The following CASZ1 variants were observed in gnomAD, a reference collection of about 807,000 sequenced individuals.
The protein encoded by CASZ1 is castor zinc finger 1.
A neutral mutation model predicts 135.2 loss-of-function variants in CASZ1; 28 were observed. That is an observed-to-expected ratio of 0.21 (90% CI 0.15 to 0.28). The LOEUF (loss-of-function observed/expected upper bound fraction) is 0.28, where lower values mean the gene tolerates loss of function less well. Among genes scored for constraint, CASZ1 ranks in the 10% least tolerant of loss-of-function variants. The pLI is 1.00. For synonymous variants in CASZ1, 1,068 were observed against 1,073.4 expected, an observed-to-expected ratio of 0.99 and a Z score of 0.10; for missense variants, 2,161 against 2,453.3, an observed-to-expected ratio of 0.88 and a Z score of 2.52.
intron 1 of CASZ1, among the ~76,000 whole-genome samples, chr1:10,775,007 C>T (rs1260806826): frequency 2.0e-5 from 3 of 152,098 alleles, no homozygotes; most frequent in Non-Finnish European, 4.4e-5. Flanking sequence ...CAGAATACAC[C>T]GAGAAAACCT....
In CASZ1 at chr1:10,777,725, C is replaced by G. The variant is rs1006700774; in HGVS notation, c.-233-16868G>C. Among the ~76,000 whole-genome samples the G allele has an allele frequency of 4.0e-5, 6 of 151,364 alleles. No individual in the cohort carries two copies. The highest frequency in any genetic ancestry group is 7.4e-5 in the Non-Finnish European group (5 of 67,792). Reference sequence around the variant, plus strand: ...TCTCATACAAAATCACACACAAAACCACATACCACGTTACAATCACACACA... The same window carrying G: ...TCTCATACAAAATCACACACAAAACGACATACCACGTTACAATCACACACA... On this transcript the variant is annotated intron_variant, in intron 1 of 20. Coordinates refer to ENST00000377022, the MANE Select transcript of CASZ1 (RefSeq NM_001079843.3). The surrounding 1 kb of genome is among the most constrained non-coding windows in gnomAD (Gnocchi z 4.4).
At chr1:10,641,219 G>A (rs571340716) in intron 20 of CASZ1, among the ~76,000 whole-genome samples, 1 of 152,386 alleles carries the variant, frequency 6.6e-6, no homozygotes, top group Non-Finnish European at 1.5e-5. Flanking sequence ...GGGGGCAAGG[G>A]ATGGCCTCAG....
chr1:10,641,222 G>A (rs185144229), intron 20 of CASZ1, among the ~76,000 whole-genome samples: 9 of 152,378 alleles, frequency 5.9e-5, no homozygotes, highest in Admixed American at 3.3e-4. Flanking sequence ...GGCAAGGGAT[G>A]GCCTCAGGCC....
chr1:10,691,926 C>A (rs1196887867), intron 4 of CASZ1, among the ~76,000 whole-genome samples: 1 of 152,196 alleles, frequency 6.6e-6, no homozygotes, highest in African/African-American at 2.4e-5. Context: ...CTCTGAGTGG[C>A]CAGAGTCCAG....
intron 6 of CASZ1, 76 bp from the exon 7 acceptor site, chr1:10,658,652 C>G: frequency 2.2e-6 from 3 of 1,339,314 alleles, no homozygotes; most frequent in Non-Finnish European, 3.2e-6. Flanking sequence ...TGGTGGGCAG[C>G]CCCTGCCCTG....
intron 2 of CASZ1, among the ~76,000 whole-genome samples, chr1:10,744,895 C>T (rs1458283413): frequency 2.6e-5 from 4 of 152,320 alleles, no homozygotes; most frequent in Non-Finnish European, 2.9e-5. Context: ...TACACGCAGA[C>T]GCATGTCTGC....
chr1:10,764,964 C>T (rs1640446819), intron 1 of CASZ1, among the ~76,000 whole-genome samples: 1 of 152,204 alleles, frequency 6.6e-6, no homozygotes, highest in South Asian at 2.1e-4. Flanking sequence ...AAGCCACCTC[C>T]ATGCTAAGTC....
chr1:10,652,487 G>A (rs999876835), intron 11 of CASZ1: 29 of 152,288 alleles, frequency 1.9e-4, no homozygotes, highest in Non-Finnish European at 5.9e-5. Context: ...AGATGTGAAC[G>A]GAACTCTCCT....
At chr1:10,695,105 G>A (rs1288528993) in intron 3 of CASZ1, among the ~76,000 whole-genome samples, 2 of 151,266 alleles carry the variant, frequency 1.3e-5, no homozygotes, top group East Asian at 2.0e-4. Flanking sequence ...GGGCTCCTGG[G>A]GTAGCACAGG....
intron 1 of CASZ1, among the ~76,000 whole-genome samples, chr1:10,792,064 G>A (rs1640965027): frequency 6.6e-6 from 1 of 150,890 alleles, no homozygotes; most frequent in Non-Finnish European, 1.5e-5. Context: ...TAATAGGAAT[G>A]GTTCCTCTCG....
At chr1:10,677,082 C>A (rs1028702127) in intron 4 of CASZ1, among the ~76,000 whole-genome samples, 7 of 152,202 alleles carry the variant, frequency 4.6e-5, no homozygotes, top group Admixed American at 4.6e-4. Flanking sequence ...GGGGCTCCAT[C>A]GCCCCCCGCC....
Position 10,727,738 on chromosome 1 carries a change from C to T in CASZ1, c.-76-22194G>A, listed in dbSNP as rs527910811. 8.5e-5 allele frequency among the ~76,000 whole-genome samples: 13 copies of T among 152,320 alleles called. No individual in the cohort carries two copies. Among genetic ancestry groups the T allele is most frequent in the African/African-American group, 2.4e-4 (10 of 41,580 alleles). On this transcript the variant is annotated intron_variant, in intron 2 of 20. Coordinates refer to ENST00000377022, the MANE Select transcript of CASZ1 (RefSeq NM_001079843.3). This position sits in a 1 kb window ranked among gnomAD's most constrained non-coding sequence, Gnocchi z 5.3. The stretch of plus-strand genomic sequence containing the variant: ...GGAGCTGAGAAGCTGGCCTTCACCT[C>T]GTTCCTGATCAGAGGCTGAGGAAGG...
At chr1:10,768,054 C>T (rs944981768) in intron 1 of CASZ1, among the ~76,000 whole-genome samples, 2 of 152,176 alleles carry the variant, frequency 1.3e-5, no homozygotes, top group African/African-American at 2.4e-5. Context: ...TCACAAGGAG[C>T]GGGAGGCCTG....
rs988433670 is a variant in CASZ1 at position 10,709,114 on chromosome 1, C to A, written c.-76-3570G>T. On this transcript the variant is annotated intron_variant, in intron 2 of 20. Coordinates refer to ENST00000377022, the MANE Select transcript of CASZ1 (RefSeq NM_001079843.3). The surrounding 1 kb of genome is among the most constrained non-coding windows in gnomAD (Gnocchi z 5.1). ...CTGCAGTTCCCTCTTGCTGGAGCCG[C>A]TGCTGGTCCAGGACTTGGCTTTGGA... 3.9e-5 allele frequency among the ~76,000 whole-genome samples: 6 copies of A among 152,166 alleles called. No individual in the cohort carries two copies. The highest frequency in any genetic ancestry group is 6.5e-5 in the Admixed American group (1 of 15,286).
Position 10,647,279 on chromosome 1 carries a change from G to C in CASZ1, c.3497+522C>G. ...GCACACATGACAATACAAAGTCACC[G>C]TTCTCCCTGCAAGGAGCCACCACCA... On this transcript the variant is annotated intron_variant, in intron 16 of 20. Transcript: ENST00000377022. This position sits in a 1 kb window ranked among gnomAD's most constrained non-coding sequence, Gnocchi z 4.9. The C allele has an allele frequency of 1.0e-6, 1 of 998,264 alleles. No homozygotes were observed. Among genetic ancestry groups the C allele is most frequent in the Non-Finnish European group, 1.2e-6 (1 of 836,756 alleles). The allele number at this position is 998,264 out of a possible 1,614,324, so 61.8% of individuals were successfully genotyped here. A position where few individuals can be genotyped will look rare whatever the true frequency, so the allele number is the denominator to read the frequency against.
chr1:10,787,824 C>T (rs961395908), intron 1 of CASZ1, among the ~76,000 whole-genome samples: 4 of 152,204 alleles, frequency 2.6e-5, no homozygotes, highest in Non-Finnish European at 4.4e-5. Flanking sequence ...ATTAACCCAT[C>T]CCACTCTCCC....
At chr1:10,770,951 C>T (rs1214687467) in intron 1 of CASZ1, among the ~76,000 whole-genome samples, 2 of 152,122 alleles carry the variant, frequency 1.3e-5, no homozygotes, top group African/African-American at 2.4e-5. Flanking sequence ...ATGGCACGTG[C>T]AAGGAGAGAC....
intron 4 of CASZ1, among the ~76,000 whole-genome samples, chr1:10,669,605 TC>T (rs1643343174): frequency 6.6e-6 from 1 of 152,172 alleles, no homozygotes; most frequent in Non-Finnish European, 1.5e-5. Context: ...CTGCACCGCA[TC>T]CCCAGTCCCC....
intron 18 of CASZ1, among the ~76,000 whole-genome samples, chr1:10,644,496 G>A (rs1327112756): frequency 2.6e-5 from 4 of 152,114 alleles, no homozygotes; most frequent in Non-Finnish European, 5.9e-5. Flanking sequence ...ATGGATGAAT[G>A]GAAGAACAAA....
Sources: allele counts gnomAD v4.1 joint callset (sites outside exome capture counted in the v4.1 genomes callset), GRCh38; gene constraint gnomAD v4.1.1; non-coding constraint Gnocchi (gnomAD v3.1); transcripts MANE v1.5; gene names NCBI Gene and HGNC (gene_info 2026-07-23, HGNC 2026-07-21).